The following KCNQ3 variants were observed in gnomAD, a reference collection of about 807,000 sequenced individuals.
KCNQ3 encodes the protein potassium voltage-gated channel subfamily Q member 3.
In KCNQ3, 30 loss-of-function variants were observed where a neutral mutation model predicts 92.5. That is an observed-to-expected ratio of 0.32 (90% confidence interval 0.24 to 0.44). The LOEUF is 0.44. Ranked by LOEUF, KCNQ3 falls within the 20% of genes least tolerant of loss-of-function variation. The pLI is 1.00. For missense variants in KCNQ3, 913 were observed against 1,140.3 expected (o/e 0.80, Z 2.87); for synonymous variants, 450 against 468.8 (o/e 0.96, Z 0.52).
intron 1 of KCNQ3, among the ~76,000 whole-genome samples, chr8:132,454,537 G>C (rs867490563): frequency 6.6e-6 from 1 of 151,884 alleles, no homozygotes; most frequent in Non-Finnish European, 1.5e-5. Flanking sequence ...GAGTACCTCC[G>C]TTTTACAGAC....
intron 1 of KCNQ3, among the ~76,000 whole-genome samples, chr8:132,385,312 T>C (rs1032730530): frequency 2.0e-5 from 3 of 152,252 alleles, no homozygotes; most frequent in Non-Finnish European, 4.4e-5. Context: ...TCAAAGGTAC[T>C]TCCTTAGAAA....
chr8:132,480,484 C>G lies in KCNQ3; in HGVS notation c.49G>C (p.Asp17His). 2.5e-6 allele frequency: 3 copies of G among 1,201,398 alleles called. No individual in the cohort carries two copies. The highest frequency in any genetic ancestry group is 3.1e-6 in the Non-Finnish European group (3 of 973,046). 74.4% of individuals were successfully genotyped at this position (1,201,398 alleles called of 1,614,324 possible). Residue 17 changes from aspartate to histidine, a missense_variant, in exon 1 of 15, where the codon GAC becomes CAC. Asp to His is a moderately conservative substitution (Grantham distance 81). Transcript: ENST00000388996. ...GCCCCGCCGCCTCCGCCGCCCCCGTCGCCGCCGCCGCCAGCCGCCCCCGCC... is the reference window on the plus strand; with the variant it reads ...GCCCCGCCGCCTCCGCCGCCCCCGTGGCCGCCGCCGCCAGCCGCCCCCGCC... ...RAAGAAGGGGDGGGGGGGAAN... is the reference protein window; with the variant it reads ...RAAGAAGGGGHGGGGGGGAAN...
At position 132,124,594 on chromosome 8, in the gene KCNQ3, G is replaced by C. The variant is rs1254575497; in HGVS notation, c.*4668C>G. 6.6e-6 allele frequency: 1 copy of C among 152,216 alleles called. No individual in the cohort carries two copies. The highest frequency in any genetic ancestry group is 1.5e-5 in the Non-Finnish European group (1 of 68,050). 9.4% of individuals were successfully genotyped at this position (152,216 alleles called of 1,614,324 possible). ...CCTGGTCCTAACATGTTCTAAACTG[G>C]GCATTAGTGAGGGGCTGCCTGCTGG... On this transcript the variant is annotated 3_prime_UTR_variant, in exon 15 of 15. Transcript: ENST00000388996.
intron 9 of KCNQ3, among the ~76,000 whole-genome samples, chr8:132,145,014 C>A (rs1371563185): frequency 6.6e-6 from 1 of 152,164 alleles, no homozygotes; most frequent in Non-Finnish European, 1.5e-5. Flanking sequence ...CCAGCCAGGG[C>A]ACATTTGGCC....
intron 1 of KCNQ3, among the ~76,000 whole-genome samples, chr8:132,450,211 A>G (rs1292970635): frequency 2.0e-5 from 3 of 152,088 alleles, no homozygotes; most frequent in Admixed American, 6.5e-5. Flanking sequence ...GTCCCCACCC[A>G]TGTCCTGCTG....
At chr8:132,479,924 T>C (rs1822504867) in intron 1 of KCNQ3, among the ~76,000 whole-genome samples, 2 of 143,630 alleles carry the variant, frequency 1.4e-5, no homozygotes, top group African/African-American at 2.6e-5. Flanking sequence ...TTTAAGCCCC[T>C]AGTGTGGAAC....
chr8:132,438,156 A>T (rs1334442872), intron 1 of KCNQ3, among the ~76,000 whole-genome samples: 1 of 152,202 alleles, frequency 6.6e-6, no homozygotes, highest in Non-Finnish European at 1.5e-5. Flanking sequence ...TTTAGGAAAA[A>T]CTGCTTTCTA....
At chr8:132,140,047 A>T (rs2130942120) in intron 11 of KCNQ3, 29 bp downstream of exon 11, 4 of 1,471,486 alleles carry the variant, frequency 2.7e-6, no homozygotes, top group Non-Finnish European at 3.7e-6. Context: ...GGAGGCACAC[A>T]GGCACAGGTG....
intron 1 of KCNQ3, among the ~76,000 whole-genome samples, chr8:132,451,620 A>G (rs1026070348): frequency 3.3e-5 from 5 of 152,246 alleles, no homozygotes; most frequent in Admixed American, 6.5e-5. Context: ...TTAGTCATGC[A>G]ATAAACAGAA....
At chr8:132,383,304 T>C (rs147186194) in intron 1 of KCNQ3, among the ~76,000 whole-genome samples, 12 of 152,332 alleles carry the variant, frequency 7.9e-5, no homozygotes, top group African/African-American at 1.2e-4. Context: ...CATTTTCTCA[T>C]GAAAAATGGC....
chr8:132,272,616 A>T (rs1431010097), intron 1 of KCNQ3, among the ~76,000 whole-genome samples: 1 of 152,178 alleles, frequency 6.6e-6, no homozygotes, highest in African/African-American at 2.4e-5. Flanking sequence ...CACATCTTAC[A>T]TGGATGGGGG....
chr8:132,446,956 C>G (rs2130845424), intron 1 of KCNQ3, among the ~76,000 whole-genome samples: 1 of 152,004 alleles, frequency 6.6e-6, no homozygotes, highest in Middle Eastern at 3.4e-3. Context: ...TGAATGGCCT[C>G]AGAAAATCAA....
chr8:132,298,870 T>A (rs561322422), intron 1 of KCNQ3, among the ~76,000 whole-genome samples: 41 of 152,212 alleles, frequency 2.7e-4, no homozygotes, highest in Non-Finnish European at 5.4e-4. Context: ...ATGGCACCAT[T>A]GCACTCCAGT....
At chr8:132,330,906 G>T (rs1818208901) in intron 1 of KCNQ3, among the ~76,000 whole-genome samples, 2 of 152,174 alleles carry the variant, frequency 1.3e-5, no homozygotes, top group Non-Finnish European at 2.9e-5. Context: ...GGGTCTGATG[G>T]ACATAACTTT....
At chr8:132,369,671 T>G (rs1440467833) in intron 1 of KCNQ3, among the ~76,000 whole-genome samples, 1 of 152,026 alleles carries the variant, frequency 6.6e-6, no homozygotes, top group East Asian at 1.9e-4. Flanking sequence ...GATGAGGAAC[T>G]GTGGTTCAGC....
At chr8:132,279,721 T>C (rs747093454) in intron 1 of KCNQ3, among the ~76,000 whole-genome samples, 1 of 152,230 alleles carries the variant, frequency 6.6e-6, no homozygotes, top group Non-Finnish European at 1.5e-5. Context: ...TATGCACACA[T>C]ACATATGCAT....
At chr8:132,419,039 C>T (rs930532026) in intron 1 of KCNQ3, among the ~76,000 whole-genome samples, 2 of 152,142 alleles carry the variant, frequency 1.3e-5, no homozygotes, top group Non-Finnish European at 2.9e-5. Flanking sequence ...TAAGTGATCT[C>T]CAGCACATGG....
intron 1 of KCNQ3, among the ~76,000 whole-genome samples, chr8:132,354,264 C>G (rs1818953775): frequency 6.6e-6 from 1 of 152,158 alleles, no homozygotes; most frequent in African/African-American, 2.4e-5. Context: ...TTTTCAGGGT[C>G]TCCACCCCCA....
intron 1 of KCNQ3, chr8:132,187,223 C>G: frequency 2.2e-6 from 1 of 456,012 alleles, no homozygotes; most frequent in South Asian, 1.5e-5. Flanking sequence ...TTTGTTCATT[C>G]ATTCATTCAA....
Sources: allele counts gnomAD v4.1 joint callset (sites outside exome capture counted in the v4.1 genomes callset), GRCh38; gene constraint gnomAD v4.1.1; transcripts MANE v1.5; gene names NCBI Gene and HGNC (gene_info 2026-07-23, HGNC 2026-07-21).